Variants in TCF4 observed in about 807,000 individuals in gnomAD.
The protein encoded by TCF4 is SL3-3 enhancer factor 2.
TCF4 carries 3 observed loss-of-function variants against 82.1 expected under a neutral mutation model. The ratio of observed to expected loss-of-function variants is 0.04; its 90% CI spans 0.02 to 0.09. The LOEUF is 0.09. Among genes scored for constraint, TCF4 ranks in the 10% least tolerant of loss-of-function variants. The pLI is 1.00. For synonymous variants in TCF4, 276 were observed against 309.6 expected (o/e 0.89, Z 1.14); for missense variants, 518 against 852.7 (o/e 0.61, Z 4.89).
intron 9 of TCF4, among the ~76,000 whole-genome samples, chr18:55,277,361 A>G (rs989168234): frequency 8.5e-5 from 13 of 152,212 alleles, no homozygotes; most frequent in Non-Finnish European, 1.8e-4. Flanking sequence ...TTGAAAACAT[A>G]TATCACTAAA....
At chr18:55,444,830 T>C (rs769656005) in intron 5 of TCF4, among the ~76,000 whole-genome samples, 10 of 152,194 alleles carry the variant, frequency 6.6e-5, no homozygotes, top group Non-Finnish European at 1.5e-4. Flanking sequence ...TAATCCCCCA[T>C]GACCTACTTC....
chr18:55,525,998 T>C (rs1222339364), intron 3 of TCF4, among the ~76,000 whole-genome samples: 1 of 152,198 alleles, frequency 6.6e-6, no homozygotes, highest in Non-Finnish European at 1.5e-5. Context: ...TCTCTATTCT[T>C]AGTGTGTGTG....
chr18:55,583,816 A>G (rs1220324141), intron 3 of TCF4, among the ~76,000 whole-genome samples: 1 of 152,090 alleles, frequency 6.6e-6, no homozygotes, highest in Admixed American at 6.5e-5. Flanking sequence ...CACAAAAGAT[A>G]CTTGTCCTTA....
At chr18:55,269,653 A>G in intron 11 of TCF4, 178 bp downstream of exon 11, 1 of 826,180 alleles carries the variant, frequency 1.2e-6, no homozygotes, top group Non-Finnish European at 1.9e-6. Context: ...GACGAAAAAT[A>G]TGGTTATGCT....
At chr18:55,318,611 G>C (rs2074728693) in intron 8 of TCF4, among the ~76,000 whole-genome samples, 1 of 152,164 alleles carries the variant, frequency 6.6e-6, no homozygotes. Context: ...TTCTTTGATA[G>C]CTCTTGTGTT....
chr18:55,585,970 C>T (rs1182373858), intron 2 of TCF4: 1 of 1,318,264 alleles, frequency 7.6e-7, no homozygotes, highest in Admixed American at 3.2e-5. Flanking sequence ...GGATAATGCA[C>T]ACCTTCCCTG....
At chr18:55,622,593 A>G (rs1321262050) in intron 2 of TCF4, among the ~76,000 whole-genome samples, 4 of 151,858 alleles carry the variant, frequency 2.6e-5, no homozygotes, top group Admixed American at 2.6e-4. Flanking sequence ...TCAGAGTTGG[A>G]CATGCACTTA....
At chr18:55,514,440 CACA>C (rs1407221268) in intron 3 of TCF4, among the ~76,000 whole-genome samples, 5 of 148,198 alleles carry the variant, frequency 3.4e-5, no homozygotes, top group Non-Finnish European at 7.6e-5. Flanking sequence ...CACACACACA[CACA>C]CACCCCAATC....
chr18:55,385,861 G>C (rs1484779647), intron 6 of TCF4, among the ~76,000 whole-genome samples: 1 of 152,162 alleles, frequency 6.6e-6, no homozygotes, highest in South Asian at 2.1e-4. Context: ...GGGCCCTAGA[G>C]GCTCCCAGTT....
chr18:55,563,818 T>A (rs573415318), intron 3 of TCF4, among the ~76,000 whole-genome samples: 1 of 152,344 alleles, frequency 6.6e-6, no homozygotes, highest in Admixed American at 6.5e-5. Flanking sequence ...CTATGCAAAG[T>A]GTATTTGCAA....
At chr18:55,523,221 A>G (rs2096948008) in intron 3 of TCF4, among the ~76,000 whole-genome samples, 1 of 152,072 alleles carries the variant, frequency 6.6e-6, no homozygotes, top group Non-Finnish European at 1.5e-5. Context: ...ACACAATACA[A>G]ATTCATGATC....
chr18:55,580,490 A>G (rs955242917), intron 3 of TCF4, among the ~76,000 whole-genome samples: 9 of 152,014 alleles, frequency 5.9e-5, no homozygotes, highest in Admixed American at 1.3e-4. Context: ...TAAAATATCT[A>G]CTGTATTTTC....
chr18:55,363,721 G>A (rs1316512696), intron 6 of TCF4, among the ~76,000 whole-genome samples: 3 of 152,008 alleles, frequency 2.0e-5, no homozygotes, highest in South Asian at 2.1e-4. Flanking sequence ...CAGAAGAATC[G>A]CCTGAACCTG....
chr18:55,529,143 A>T (rs756339594), intron 3 of TCF4, among the ~76,000 whole-genome samples: 1 of 152,234 alleles, frequency 6.6e-6, no homozygotes, highest in African/African-American at 2.4e-5. Context: ...GTGCCATTGC[A>T]CTTCAGCCCG....
intron 4 of TCF4, among the ~76,000 whole-genome samples, chr18:55,461,328 G>A (rs1373052244): frequency 6.6e-6 from 1 of 152,108 alleles, no homozygotes; most frequent in Non-Finnish European, 1.5e-5. Context: ...CCTCATAATA[G>A]CTGAGAAATC....
chr18:55,251,209 T>C (rs570704532), intron 15 of TCF4, among the ~76,000 whole-genome samples: 1 of 151,818 alleles, frequency 6.6e-6, no homozygotes, highest in East Asian at 1.9e-4. Flanking sequence ...TTGTAGAAAA[T>C]GGAAAGGCAG....
intron 3 of TCF4, among the ~76,000 whole-genome samples, chr18:55,565,326 A>T (rs1480835238): frequency 6.6e-6 from 1 of 152,152 alleles, no homozygotes; most frequent in African/African-American, 2.4e-5. Context: ...AAAATTCTCC[A>T]AAAGTATAAA....
chr18:55,251,658 G>A (rs2055136834), intron 15 of TCF4, among the ~76,000 whole-genome samples: 1 of 152,126 alleles, frequency 6.6e-6, no homozygotes, highest in Non-Finnish European at 1.5e-5. Context: ...AGTTAGAAAG[G>A]CGATGTGCTC....
chr18:55,571,806 ACAT>A (rs2097473174), intron 3 of TCF4, among the ~76,000 whole-genome samples: 1 of 150,862 alleles, frequency 6.6e-6, no homozygotes, highest in African/African-American at 2.4e-5. Context: ...AAGAAAACAC[ACAT>A]CATAATTCAG....
Sources: gnomAD v4.1 joint callset for allele counts (sites outside exome capture counted in the v4.1 genomes callset) on GRCh38, gnomAD v4.1.1 for gene constraint, MANE v1.5 for transcripts, NCBI Gene and HGNC (gene_info 2026-07-23, HGNC 2026-07-21) for gene names.